The following B3GALT1 variants were observed in gnomAD, a reference collection of about 807,000 sequenced individuals.
The protein encoded by B3GALT1 is beta-1,3-galactosyltransferase 1, also known as UDP-Gal:betaGlcNAc beta 1,3-galactosyltransferase, polypeptide 1.
In B3GALT1, 10 loss-of-function variants were observed where a neutral mutation model predicts 23.2. The observed-to-expected ratio is 0.43, with a 90% CI of 0.27 to 0.73. B3GALT1 has a LOEUF of 0.73. Among genes scored for constraint, B3GALT1 ranks in the 30% least tolerant of loss-of-function variants. B3GALT1 has a pLI of 0.21. For synonymous variants in B3GALT1, 156 were observed against 141.5 expected (o/e 1.10, Z -0.73); for missense variants, 299 against 405.4 (o/e 0.74, Z 2.25).
intron 3 of B3GALT1, among the ~76,000 whole-genome samples, chr2:167,704,694 A>T (rs973261625): frequency 6.6e-6 from 1 of 152,222 alleles, no homozygotes; most frequent in Admixed American, 6.5e-5. Context: ...GTCTGTTTTT[A>T]AGTAAATGAA....
At chr2:167,294,004 G>A (rs1266587516) in intron 1 of B3GALT1, among the ~76,000 whole-genome samples, 7 of 152,186 alleles carry the variant, frequency 4.6e-5, no homozygotes, top group African/African-American at 1.7e-4. Flanking sequence ...GCCCCGCGTG[G>A]GAGGCTTGCT....
chr2:167,518,253 C>G (rs1700133577), intron 2 of B3GALT1, among the ~76,000 whole-genome samples: 1 of 151,834 alleles, frequency 6.6e-6, no homozygotes, highest in Non-Finnish European at 1.5e-5. Context: ...ACCAATTTAG[C>G]TGACTCCTAT....
At chr2:167,593,102 T>C (rs1012335727) in intron 2 of B3GALT1, among the ~76,000 whole-genome samples, 1 of 152,198 alleles carries the variant, frequency 6.6e-6, no homozygotes, top group Non-Finnish European at 1.5e-5. Flanking sequence ...CCATACACTC[T>C]AGCATTTCCT....
rs1696577026 is a variant in B3GALT1, at chr2:167,308,069, A to G, written c.-511+14735A>G. Among the ~76,000 whole-genome samples, 4 of 152,148 alleles carry G rather than the reference A, an allele frequency of 2.6e-5. No homozygotes were observed. In the South Asian group the frequency reaches 8.3e-4, roughly 32 times the overall value. On this transcript the variant is annotated intron_variant, in intron 1 of 4. Coordinates refer to ENST00000392690, the MANE Select transcript of B3GALT1 (RefSeq NM_020981.4). ...ATTAGTAACACAAAATAATTGTTGG[A>G]ATGTTACTGTGTGTTAGAAATAGAA...
At chr2:167,426,221 C>T (rs1381900111) in intron 1 of B3GALT1, among the ~76,000 whole-genome samples, 2 of 151,212 alleles carry the variant, frequency 1.3e-5, no homozygotes. Context: ...CATTGGCTCA[C>T]TGGAGTATGA....
chr2:167,615,295 C>T (rs752741696), intron 2 of B3GALT1, among the ~76,000 whole-genome samples: 5 of 151,908 alleles, frequency 3.3e-5, no homozygotes, highest in African/African-American at 1.2e-4. Context: ...AAGACAAATA[C>T]TGTGTGATCT....
chr2:167,293,649 TC>T (rs1244090832), intron 1 of B3GALT1, among the ~76,000 whole-genome samples: 2 of 152,072 alleles, frequency 1.3e-5, no homozygotes, highest in Non-Finnish European at 2.9e-5. Context: ...CCGACGTCCT[TC>T]AAGGACCCAA....
intron 2 of B3GALT1, among the ~76,000 whole-genome samples, chr2:167,595,564 G>A (rs1415772905): frequency 6.6e-6 from 1 of 152,122 alleles, no homozygotes; most frequent in African/African-American, 2.4e-5. Flanking sequence ...TAAATAAAAT[G>A]GAGAATCACT....
chr2:167,782,846 A>G (rs1688271201), intron 3 of B3GALT1, among the ~76,000 whole-genome samples: 1 of 152,212 alleles, frequency 6.6e-6, no homozygotes, highest in African/African-American at 2.4e-5. Context: ...CCATGTTTAT[A>G]AGGTCATGAA....
chr2:167,756,453 T>C (rs1363189801), intron 3 of B3GALT1, among the ~76,000 whole-genome samples: 2 of 152,234 alleles, frequency 1.3e-5, no homozygotes, highest in Non-Finnish European at 2.9e-5. Context: ...TGAGTGTTGA[T>C]GGCAAATCAT....
At chr2:167,713,884 A>G (rs1255295462) in intron 3 of B3GALT1, 1 of 1,586,172 alleles carries the variant, frequency 6.3e-7, no homozygotes, top group Non-Finnish European at 8.7e-7. Context: ...GTGAAGCTCC[A>G]AACATGGTTC....
intron 3 of B3GALT1, among the ~76,000 whole-genome samples, chr2:167,674,984 G>A (rs1014464774): frequency 1.3e-5 from 2 of 152,158 alleles, no homozygotes; most frequent in Non-Finnish European, 2.9e-5. Context: ...CATGGGACCT[G>A]ACCCTGGAAG....
intron 1 of B3GALT1, among the ~76,000 whole-genome samples, chr2:167,394,209 TA>T (rs1477862572): frequency 1.3e-5 from 2 of 152,188 alleles, no homozygotes; most frequent in East Asian, 1.9e-4. Context: ...AAATTTCTGA[TA>T]AAAAACTTAA....
chr2:167,524,655 T>A (rs749259235), intron 2 of B3GALT1, among the ~76,000 whole-genome samples: 1 of 152,182 alleles, frequency 6.6e-6, no homozygotes, highest in Admixed American at 6.5e-5. Context: ...TTCAAAACAG[T>A]ATACAATGAA....
At chr2:167,348,447 A>T (rs1283668333) in intron 1 of B3GALT1, among the ~76,000 whole-genome samples, 15 of 152,186 alleles carry the variant, frequency 9.9e-5, no homozygotes, top group Admixed American at 9.8e-4. Flanking sequence ...CGTAATATAA[A>T]TTTTATTTAT....
intron 2 of B3GALT1, among the ~76,000 whole-genome samples, chr2:167,566,825 G>T (rs141665119): frequency 9.2e-5 from 14 of 152,232 alleles, no homozygotes; most frequent in Middle Eastern, 6.8e-3. Context: ...TGTGCCCTCT[G>T]GGGGTAGGAG....
At chr2:167,658,636 T>C (rs551130457) in intron 3 of B3GALT1, among the ~76,000 whole-genome samples, 1 of 152,204 alleles carries the variant, frequency 6.6e-6, no homozygotes, top group South Asian at 2.1e-4. Context: ...GACTACTGTT[T>C]GTTATACATT....
At chr2:167,446,273 C>A (rs1574082344) in intron 1 of B3GALT1, among the ~76,000 whole-genome samples, 1 of 152,192 alleles carries the variant, frequency 6.6e-6, no homozygotes, top group Admixed American at 6.5e-5. Flanking sequence ...GTAACCTGAC[C>A]TTACTCTCTG....
chr2:167,326,550 A>G lies in B3GALT1; in HGVS notation c.-511+33216A>G, dbSNP rs962187621. Among the ~76,000 whole-genome samples, 7 of 151,572 alleles carry G rather than the reference A, an allele frequency of 4.6e-5. No individual in the cohort carries two copies. In the East Asian group the frequency reaches 1.3e-3, roughly 27 times the overall value. On this transcript the variant is annotated intron_variant, in intron 1 of 4. Transcript: ENST00000392690. ...AGGTTTTTCTATGGTTTTGTCTGGT[A>G]GATTTATAGTCTTGAGACTTATGTT...
Sources: gnomAD v4.1 joint callset for allele counts (sites outside exome capture counted in the v4.1 genomes callset) on GRCh38, gnomAD v4.1.1 for gene constraint, MANE v1.5 for transcripts, NCBI Gene and HGNC (gene_info 2026-07-23, HGNC 2026-07-21) for gene names.